Variants in PKNOX2 observed in about 807,000 individuals in gnomAD.
PKNOX2 encodes homeobox protein PKNOX2.
In PKNOX2, 14 loss-of-function variants were observed where a neutral mutation model predicts 53.1. The observed-to-expected ratio is 0.26, with a 90% CI of 0.17 to 0.41. The LOEUF (loss-of-function observed/expected upper bound fraction) is 0.41. Ranked by LOEUF, PKNOX2 falls within the 10% of genes least tolerant of loss-of-function variation. The pLI, the probability that PKNOX2 is intolerant of heterozygous loss-of-function variation, is 1.00. For missense variants in PKNOX2, 496 were observed against 602.8 expected, an observed-to-expected ratio of 0.82 and a Z score of 1.85; for synonymous variants, 257 against 242.8, an observed-to-expected ratio of 1.06 and a Z score of -0.54.
intron 8 of PKNOX2, chr11:125,410,567 C>A: frequency 1.5e-6 from 1 of 666,308 alleles, no homozygotes; most frequent in Non-Finnish European, 2.5e-6. Flanking sequence ...AGGCTGTTGT[C>A]CCTTCCCCGA....
chr11:125,385,016 G>A (rs1953524967), intron 5 of PKNOX2, among the ~76,000 whole-genome samples: 1 of 152,142 alleles, frequency 6.6e-6, no homozygotes, highest in Non-Finnish European at 1.5e-5. Flanking sequence ...AGGACAGGTG[G>A]ACACATCTGC....
intron 7 of PKNOX2, among the ~76,000 whole-genome samples, chr11:125,405,113 C>G (rs1955001724): frequency 1.3e-5 from 2 of 152,038 alleles, no homozygotes; most frequent in South Asian, 4.1e-4. Flanking sequence ...CCACTCCGGC[C>G]ACCGACTCAC....
intron 10 of PKNOX2, among the ~76,000 whole-genome samples, chr11:125,420,832 C>T (rs1956132739): frequency 6.6e-6 from 1 of 152,080 alleles, no homozygotes; most frequent in Non-Finnish European, 1.5e-5. Flanking sequence ...GGCATCGTGT[C>T]AATAGGGCAC....
At chr11:125,326,263 A>T (rs1314518525) in intron 2 of PKNOX2, among the ~76,000 whole-genome samples, 1 of 152,238 alleles carries the variant, frequency 6.6e-6, no homozygotes, top group Non-Finnish European at 1.5e-5. Flanking sequence ...TCGGCTGCAG[A>T]AAGGCAGGAC....
chr11:125,317,987 A>G (rs1023556729), intron 2 of PKNOX2, among the ~76,000 whole-genome samples: 14 of 152,220 alleles, frequency 9.2e-5, no homozygotes, highest in African/African-American at 3.1e-4. Flanking sequence ...GGTCTTCTGG[A>G]TAACTTGATG....
intron 2 of PKNOX2, among the ~76,000 whole-genome samples, chr11:125,307,830 A>G (rs970598588): frequency 6.6e-5 from 10 of 152,236 alleles, no homozygotes; most frequent in Admixed American, 2.0e-4. Context: ...TCTACCCTCA[A>G]GGAGTTTGCT....
At chr11:125,272,175 A>T (rs1945839729) in intron 2 of PKNOX2, among the ~76,000 whole-genome samples, 1 of 152,244 alleles carries the variant, frequency 6.6e-6, no homozygotes, top group Non-Finnish European at 1.5e-5. Flanking sequence ...GTTGGTGATG[A>T]CAGTCCTCCT....
chr11:125,236,335 A>T (rs1942691470), intron 2 of PKNOX2, among the ~76,000 whole-genome samples: 1 of 129,518 alleles, frequency 7.7e-6, no homozygotes, highest in Admixed American at 8.6e-5. Flanking sequence ...GTGTTGGGGG[A>T]AGGGTACCTC....
chr11:125,226,669 G>A (rs546406908), intron 1 of PKNOX2, among the ~76,000 whole-genome samples: 6 of 150,928 alleles, frequency 4.0e-5, no homozygotes, highest in South Asian at 2.1e-4. Flanking sequence ...CCTGCTTATC[G>A]TTTTATTGCT....
At chr11:125,255,611 A>C (rs1944349217) in intron 2 of PKNOX2, among the ~76,000 whole-genome samples, 1 of 152,286 alleles carries the variant, frequency 6.6e-6, no homozygotes, top group East Asian at 1.9e-4. Context: ...TTGGACAATC[A>C]ACTATAAATA....
intron 2 of PKNOX2, among the ~76,000 whole-genome samples, chr11:125,251,391 A>G (rs1270344508): frequency 1.3e-5 from 2 of 152,190 alleles, no homozygotes; most frequent in East Asian, 3.8e-4. Context: ...TCACTTCATT[A>G]AAGGCTAATG....
intron 1 of PKNOX2, among the ~76,000 whole-genome samples, chr11:125,179,553 A>G (rs1956036711): frequency 6.6e-6 from 1 of 152,192 alleles, no homozygotes; most frequent in Non-Finnish European, 1.5e-5. Flanking sequence ...GCAAGAGCTG[A>G]CAGGCAGCTG....
chr11:125,340,014 ACTT>A (rs1284338817), intron 3 of PKNOX2, among the ~76,000 whole-genome samples: 3 of 152,188 alleles, frequency 2.0e-5, no homozygotes, highest in Non-Finnish European at 4.4e-5. Flanking sequence ...TGAGACCCCT[ACTT>A]CTTATCGCTG....
chr11:125,265,867 T>C (rs771292066), intron 2 of PKNOX2, among the ~76,000 whole-genome samples: 7 of 152,102 alleles, frequency 4.6e-5, no homozygotes, highest in Non-Finnish European at 8.8e-5. Context: ...CTCCTCACCG[T>C]CTAAACTCTC....
In PKNOX2 at chr11:125,426,948, C is replaced by T. The variant is rs140133850; in HGVS notation, c.937-2064C>T. ...GCCCTCACAGAAGCTCAGAAAGGCACGCGAGGACAGGCAGGAGGAAGCGCG... is the reference window on the plus strand; with the variant it reads ...GCCCTCACAGAAGCTCAGAAAGGCATGCGAGGACAGGCAGGAGGAAGCGCG... On this transcript the variant is annotated intron_variant, in intron 10 of 12. Coordinates refer to ENST00000298282, the MANE Select transcript of PKNOX2 (RefSeq NM_001382323.2). Among the ~76,000 whole-genome samples the T allele has an allele frequency of 4.9e-4, 75 of 152,326 alleles. No homozygotes were observed. In the East Asian group the frequency reaches 0.011, roughly 22 times the overall value.
At chr11:125,242,417 C>G (rs1943231117) in intron 2 of PKNOX2, among the ~76,000 whole-genome samples, 1 of 152,180 alleles carries the variant, frequency 6.6e-6, no homozygotes, top group Non-Finnish European at 1.5e-5. Context: ...GCCCTACTCT[C>G]TCTCCCCACG....
At chr11:125,187,583 G>T (rs1956532632) in intron 1 of PKNOX2, among the ~76,000 whole-genome samples, 1 of 151,848 alleles carries the variant, frequency 6.6e-6, no homozygotes, top group South Asian at 2.1e-4. Context: ...GATTCTTTTG[G>T]ATTTTCTATA....
chr11:125,251,936 T>C (rs1944035359), intron 2 of PKNOX2, among the ~76,000 whole-genome samples: 1 of 152,162 alleles, frequency 6.6e-6, no homozygotes, highest in South Asian at 2.1e-4. Context: ...TTGTCATTCA[T>C]TCAACACCTG....
At chr11:125,387,532 C>G (rs113656024) in intron 6 of PKNOX2, among the ~76,000 whole-genome samples, 93 of 152,214 alleles carry the variant, frequency 6.1e-4, no homozygotes, top group South Asian at 5.2e-3. Context: ...CTCTCCTGGC[C>G]AACATGAGGT....
Sources: allele counts gnomAD v4.1 joint callset (sites outside exome capture counted in the v4.1 genomes callset), GRCh38; gene constraint gnomAD v4.1.1; transcripts MANE v1.5; gene names NCBI Gene and HGNC (gene_info 2026-07-23, HGNC 2026-07-21).